NINJ2: variants seen among roughly 807,000 people sequenced by gnomAD.
NINJ2 encodes the protein ninjurin-2.
A neutral mutation model predicts 11.7 loss-of-function variants in NINJ2; 12 were observed. The observed-to-expected ratio is 1.02, with a 90% CI of 0.66 to 1.66. NINJ2 has a LOEUF of 1.66. Among genes scored for constraint, NINJ2 ranks in the 40% most tolerant of loss-of-function variants. The pLI, the probability that NINJ2 is intolerant of heterozygous loss-of-function variation, is 0.00. For synonymous variants in NINJ2, 93 were observed against 76.8 expected (o/e 1.21, Z -1.10); for missense variants, 187 against 181.8 (o/e 1.03, Z -0.16).
At chr12:621,556 C>G (rs1459484981) in intron 1 of NINJ2, among the ~76,000 whole-genome samples, 1 of 152,028 alleles carries the variant, frequency 6.6e-6, no homozygotes, top group African/African-American at 2.4e-5. Flanking sequence ...CACAGTGGTT[C>G]ACAACTGTAA....
chr12:587,968 G>C (rs569373139), intron 1 of NINJ2, among the ~76,000 whole-genome samples: 1 of 151,928 alleles, frequency 6.6e-6, no homozygotes, highest in Non-Finnish European at 1.5e-5. Flanking sequence ...ACTAGTAGTT[G>C]TTTTATCCAT....
intron 1 of NINJ2, among the ~76,000 whole-genome samples, chr12:606,293 A>AAAT (rs1158362216): frequency 6.6e-6 from 1 of 152,198 alleles, no homozygotes; most frequent in Non-Finnish European, 1.5e-5. Flanking sequence ...AACGTTTATA[A>AAAT]AATCTCATAG....
chr12:663,194 G>A (rs1330388511), intron 1 of NINJ2, 134 bp downstream of exon 1: 1 of 744,758 alleles, frequency 1.3e-6, no homozygotes, highest in Admixed American at 2.5e-5. Flanking sequence ...AGCCTAGGGA[G>A]CATTTGGAGA....
At chr12:617,371 A>G (rs1158033587) in intron 1 of NINJ2, among the ~76,000 whole-genome samples, 1 of 152,172 alleles carries the variant, frequency 6.6e-6, no homozygotes, top group East Asian at 1.9e-4. Flanking sequence ...CCTTCCCTAA[A>G]GCCCTGGCCG....
intron 1 of NINJ2, among the ~76,000 whole-genome samples, chr12:601,669 G>T (rs1947875524): frequency 6.6e-6 from 1 of 152,090 alleles, no homozygotes; most frequent in South Asian, 2.1e-4. Flanking sequence ...TTTGAGACCA[G>T]CCTGGCCAAC....
At chr12:600,126 G>A (rs776169761) in intron 1 of NINJ2, among the ~76,000 whole-genome samples, 3 of 152,146 alleles carry the variant, frequency 2.0e-5, no homozygotes, top group African/African-American at 7.2e-5. Context: ...TCAATTCCTC[G>A]GGGCTGAATT....
chr12:643,690 CCGCAA>C, intron 1 of NINJ2: 1 of 988,074 alleles, frequency 1.0e-6, no homozygotes. Context: ...CCACGCCTCA[CCGCAA>C]CGAGTCTGCC....
Position 581,215 on chromosome 12 carries a change from A to C in NINJ2, c.34-15037T>G, listed in dbSNP as rs914070112. ...TGTCTCTGTGTGCGTGTGTGTGTCT[A>C]TTGTCCCTGAGCTCAGCAGTATCCT... On this transcript the variant is annotated intron_variant, in intron 1 of 3. Coordinates refer to ENST00000305108, the MANE Select transcript of NINJ2 (RefSeq NM_016533.6). This position sits in a 1 kb window ranked among gnomAD's most constrained non-coding sequence, Gnocchi z 4.9. Among the ~76,000 whole-genome samples the C allele has an allele frequency of 5.3e-5, 8 of 151,334 alleles. No individual in the cohort carries two copies. The highest frequency in any genetic ancestry group is 2.6e-4 in the Admixed American group (4 of 15,200).
At chr12:587,906 G>A (rs927628555) in intron 1 of NINJ2, among the ~76,000 whole-genome samples, 1 of 152,174 alleles carries the variant, frequency 6.6e-6, no homozygotes, top group Non-Finnish European at 1.5e-5. Context: ...CTCACTGGAC[G>A]GTGAACTCCT....
intron 1 of NINJ2, among the ~76,000 whole-genome samples, chr12:569,231 A>C (rs59900374): frequency 0.09 from 13,712 of 152,228 alleles, 771 homozygotes; most frequent in East Asian, 0.3. Flanking sequence ...GCCAGCTGGC[A>C]TGGTTGGTTA....
chr12:572,794 C>G (rs1224069386), intron 1 of NINJ2, among the ~76,000 whole-genome samples: 1 of 151,422 alleles, frequency 6.6e-6, no homozygotes, highest in African/African-American at 2.4e-5. Flanking sequence ...GTAACTTGCC[C>G]AAGATCACAC....
At chr12:594,746 G>A (rs568812594) in intron 1 of NINJ2, among the ~76,000 whole-genome samples, 6 of 152,224 alleles carry the variant, frequency 3.9e-5, no homozygotes, top group East Asian at 3.9e-4. Context: ...TCAAGACATC[G>A]GTTCTTCCTA....
rs1029806852 is a variant in NINJ2, at chr12:581,518, A to T, written c.34-15340T>A. 6.6e-6 allele frequency among the ~76,000 whole-genome samples: 1 copy of T among 152,178 alleles called. No individual in the cohort carries two copies. Among genetic ancestry groups the T allele is most frequent in the African/African-American group, 2.4e-5 (1 of 41,440 alleles). The stretch of plus-strand genomic sequence containing the variant: ...TTTTCCCTGCCAGCAAAGCAGGTCC[A>T]GCCTGGATCCTCATACCGGGGCTCT... On this transcript the variant is annotated intron_variant, in intron 1 of 3. Coordinates refer to ENST00000305108, the MANE Select transcript of NINJ2 (RefSeq NM_016533.6). The surrounding 1 kb of genome is among the most constrained non-coding windows in gnomAD (Gnocchi z 4.9).
chr12:630,245 G>A (rs952490735), intron 1 of NINJ2, among the ~76,000 whole-genome samples: 5 of 152,062 alleles, frequency 3.3e-5, no homozygotes, highest in Non-Finnish European at 7.4e-5. Context: ...GTAAACATCT[G>A]AAAATAGAGT....
At chr12:623,389 C>A (rs1037992035) in intron 1 of NINJ2, among the ~76,000 whole-genome samples, 2 of 152,186 alleles carry the variant, frequency 1.3e-5, no homozygotes, top group Non-Finnish European at 2.9e-5. Flanking sequence ...TGTGACACAC[C>A]TTTCCCCAGG....
intron 1 of NINJ2, among the ~76,000 whole-genome samples, chr12:661,494 A>G (rs1417462785): frequency 2.0e-5 from 3 of 152,264 alleles, no homozygotes; most frequent in Non-Finnish European, 2.9e-5. Flanking sequence ...ATGAAGAGAA[A>G]GGTACACTAA....
At chr12:630,844 G>C (rs1370715959) in intron 1 of NINJ2, 1 of 152,322 alleles carries the variant, frequency 6.6e-6, no homozygotes, top group Non-Finnish European at 1.5e-5. Context: ...GCAGGCTTCC[G>C]GCCCTGCGCA....
chr12:599,207 C>G (rs10774355), intron 1 of NINJ2, among the ~76,000 whole-genome samples: 111,020 of 151,134 alleles, frequency 0.73, 41,000 homozygotes, highest in Non-Finnish European at 0.78. Context: ...CATGGAGAAA[C>G]CTTGTCTCTA....
chr12:565,962 G>A lies in NINJ2; in HGVS notation c.250C>T (p.Leu84Phe), dbSNP rs1947292839. ...CTGGGCTCCTCACCAATGACCACGA[G>A]CAGGACACCGATGACCACCTGCAGG... ...LLLQVVIGVL[L>F]VVIARLNLNE... Residue 84 changes from leucine to phenylalanine, a missense_variant, in exon 2 of 4, where the codon CTC becomes TTC. Leu to Phe is a conservative substitution (Grantham distance 22). Coordinates refer to ENST00000305108, the MANE Select transcript of NINJ2 (RefSeq NM_016533.6). 1 of 1,614,178 alleles carries A rather than the reference G, an allele frequency of 6.2e-7. No individual in the cohort carries two copies. The highest frequency in any genetic ancestry group is 1.3e-5 in the African/African-American group (1 of 75,072).
Sources: allele counts gnomAD v4.1 joint callset (sites outside exome capture counted in the v4.1 genomes callset), GRCh38; gene constraint gnomAD v4.1.1; non-coding constraint Gnocchi (gnomAD v3.1); transcripts MANE v1.5; gene names NCBI Gene and HGNC (gene_info 2026-07-23, HGNC 2026-07-21).